STX7: variants seen among roughly 807,000 people sequenced by gnomAD.
The protein encoded by STX7 is syntaxin 7.
Under a neutral mutation model 39.6 loss-of-function variants are expected in STX7, and 34 were observed. The observed-to-expected ratio is 0.86, with a 90% CI of 0.65 to 1.14. The LOEUF (loss-of-function observed/expected upper bound fraction) is 1.14, where lower values mean the gene tolerates loss of function less well. STX7 is among the 50% of genes most tolerant of loss of function. STX7 has a pLI of 0.00. For synonymous variants in STX7, 119 were observed against 99.1 expected (o/e 1.20, Z -1.19); for missense variants, 284 against 310.4 (o/e 0.92, Z 0.64).
intron 1 of STX7, among the ~76,000 whole-genome samples, chr6:132,507,628 A>G (rs900092139): frequency 1.3e-5 from 2 of 152,190 alleles, no homozygotes; most frequent in African/African-American, 2.4e-5. Context: ...GCTGTATCAT[A>G]TATCAGTCCT....
chr6:132,474,534 T>C (rs957223846), intron 3 of STX7, among the ~76,000 whole-genome samples: 9 of 152,164 alleles, frequency 5.9e-5, no homozygotes, highest in East Asian at 1.9e-4. Context: ...TTTCCCTCTA[T>C]AGTTAATGTT....
intron 2 of STX7, among the ~76,000 whole-genome samples, chr6:132,482,865 T>C (rs971793120): frequency 1.3e-5 from 2 of 152,038 alleles, no homozygotes; most frequent in Non-Finnish European, 2.9e-5. Context: ...CTACTAGCAT[T>C]AGCCTCCTAC....
intron 2 of STX7, among the ~76,000 whole-genome samples, chr6:132,488,081 G>A (rs1775185588): frequency 6.6e-6 from 1 of 152,114 alleles, no homozygotes; most frequent in Non-Finnish European, 1.5e-5. Flanking sequence ...GATATGTGAT[G>A]CTTTCATTTA....
At chr6:132,500,735 A>G (rs1775537269) in intron 2 of STX7, among the ~76,000 whole-genome samples, 1 of 152,232 alleles carries the variant, frequency 6.6e-6, no homozygotes, top group South Asian at 2.1e-4. Flanking sequence ...TCACAATAGA[A>G]TATCAAAATT....
intron 2 of STX7, among the ~76,000 whole-genome samples, chr6:132,485,861 T>G (rs1775120907): frequency 6.6e-6 from 1 of 152,254 alleles, no homozygotes; most frequent in African/African-American, 2.4e-5. Context: ...TCAAGGTATA[T>G]CTTCCCAATT....
chr6:132,466,896 CTCTT>C (rs959839781), intron 8 of STX7, among the ~76,000 whole-genome samples: 2 of 152,192 alleles, frequency 1.3e-5, no homozygotes, highest in African/African-American at 4.8e-5. Context: ...CTTAAATTAA[CTCTT>C]TCTTTCACAC....
intron 2 of STX7, among the ~76,000 whole-genome samples, chr6:132,499,361 C>A (rs971304513): frequency 2.0e-5 from 3 of 152,190 alleles, no homozygotes; most frequent in Non-Finnish European, 2.9e-5. Context: ...GCCTCTCTGG[C>A]AGCTAGGTGT....
chr6:132,492,530 A>G (rs1445264622), intron 2 of STX7, among the ~76,000 whole-genome samples: 1 of 152,222 alleles, frequency 6.6e-6, no homozygotes, highest in Non-Finnish European at 1.5e-5. Context: ...CAGGTGTTTA[A>G]TAAATACTCA....
At chr6:132,491,807 C>T (rs980443290) in intron 2 of STX7, among the ~76,000 whole-genome samples, 3 of 152,150 alleles carry the variant, frequency 2.0e-5, no homozygotes, top group Admixed American at 6.5e-5. Context: ...GTCCAGCTCA[C>T]TCCCCTGGCC....
rs374012344 is a variant in STX7, at chr6:132,505,970, GT to G, written c.-58-2383del. Among the ~76,000 whole-genome samples, 1,509 of 151,868 alleles carry G rather than the reference GT, an allele frequency of 9.9e-3. 22 individuals are homozygous for G. The highest frequency in any genetic ancestry group is 0.035 in the African/African-American group (1,455 of 41,424). On this transcript the variant is annotated intron_variant, in intron 1 of 9. Coordinates refer to ENST00000367941, the MANE Select transcript of STX7 (RefSeq NM_003569.3). The stretch of plus-strand genomic sequence containing the variant: ...ACAGTCAATTGATCTTTTTGACAAA[GT>G]TGACAAAAACATACACTGAGGAAAG...
chr6:132,449,724 T>C lies in STX7; in HGVS notation c.*11034A>G, dbSNP rs1023361636. The C allele has an allele frequency of 6.6e-6, 1 of 152,232 alleles. No homozygotes were observed. Among genetic ancestry groups the C allele is most frequent in the Non-Finnish European group, 1.5e-5 (1 of 68,040 alleles). The allele number at this position is 152,232 out of a possible 1,614,324, so 9.4% of individuals were successfully genotyped here. ...TCATACCTAAGTTGTCTTTGGTTCT[T>C]TTTAATATCTGCCTTTTAACACATC... On this transcript the variant is annotated 3_prime_UTR_variant, in exon 10 of 10. Coordinates refer to ENST00000367941, the MANE Select transcript of STX7 (RefSeq NM_003569.3).
At chr6:132,501,961 C>G (rs541943930) in intron 2 of STX7, among the ~76,000 whole-genome samples, 7 of 152,092 alleles carry the variant, frequency 4.6e-5, no homozygotes, top group South Asian at 4.2e-4. Flanking sequence ...GCAGAGCCAA[C>G]GCCGGTGGCC....
At chr6:132,496,667 T>TA (rs1775426574) in intron 2 of STX7, among the ~76,000 whole-genome samples, 2 of 152,190 alleles carry the variant, frequency 1.3e-5, no homozygotes, top group South Asian at 2.1e-4. Context: ...TATTGCCTGT[T>TA]AAAGTTTGAA....
At chr6:132,480,045 A>T (rs1464601679) in intron 2 of STX7, among the ~76,000 whole-genome samples, 1 of 152,098 alleles carries the variant, frequency 6.6e-6, no homozygotes, top group African/African-American at 2.4e-5. Flanking sequence ...TGCATCCTCT[A>T]AGCACCCACT....
At chr6:132,478,977 G>A (rs1017649808) in intron 2 of STX7, among the ~76,000 whole-genome samples, 4 of 152,114 alleles carry the variant, frequency 2.6e-5, no homozygotes, top group African/African-American at 7.2e-5. Flanking sequence ...CACTGGTTAC[G>A]TCTGCTTTTA....
intron 3 of STX7, among the ~76,000 whole-genome samples, chr6:132,473,520 G>GTTTT (rs398066285): frequency 1.5e-5 from 2 of 136,294 alleles, no homozygotes; most frequent in Non-Finnish European, 3.1e-5. Context: ...TTATTGTGTT[G>GTTTT]TTTTTTTTTT....
At chr6:132,464,176 T>C in intron 8 of STX7, 101 bp from the exon 9 acceptor site, 1 of 1,174,976 alleles carries the variant, frequency 8.5e-7, no homozygotes, top group Non-Finnish European at 1.3e-6. Flanking sequence ...ATATGGTCAT[T>C]ATTCAAAGGT....
At chr6:132,510,174 G>A (rs1326179787) in intron 1 of STX7, among the ~76,000 whole-genome samples, 1 of 152,170 alleles carries the variant, frequency 6.6e-6, no homozygotes, top group Non-Finnish European at 1.5e-5. Context: ...CCCCTAAAAG[G>A]TGACTACAAT....
In STX7 at chr6:132,452,271, GCTAACATTATA is replaced by G. The variant is rs1209480570; in HGVS notation, c.*8476_*8486del. The G allele has an allele frequency of 6.6e-6, 1 of 152,072 alleles. No individual in the cohort carries two copies. Among genetic ancestry groups the G allele is most frequent in the Non-Finnish European group, 1.5e-5 (1 of 67,994 alleles). 9.4% of individuals were successfully genotyped at this position (152,072 alleles called of 1,614,324 possible). A position where few individuals can be genotyped will look rare whatever the true frequency, so the allele number is the denominator to read the frequency against. On this transcript the variant is annotated 3_prime_UTR_variant, in exon 10 of 10. Coordinates refer to ENST00000367941, the MANE Select transcript of STX7 (RefSeq NM_003569.3). ...AGAGCATCTACTTTAAAAACCTACA[GCTAACATTATA>G]CTTCATGGTGAAACACTGAATCCTT...
Sources: allele counts gnomAD v4.1 joint callset (sites outside exome capture counted in the v4.1 genomes callset), GRCh38; gene constraint gnomAD v4.1.1; transcripts MANE v1.5; gene names NCBI Gene and HGNC (gene_info 2026-07-23, HGNC 2026-07-21).